The following NHEJ1 variants were observed in gnomAD, a reference collection of about 807,000 sequenced individuals.
The protein encoded by NHEJ1 is non-homologous end joining factor 1, also known as non-homologous end-joining factor 1.
A neutral mutation model predicts 39.4 loss-of-function variants in NHEJ1; 22 were observed. The ratio of observed to expected loss-of-function variants is 0.56; its 90% confidence interval spans 0.40 to 0.80. The LOEUF (loss-of-function observed/expected upper bound fraction) is 0.80, where lower values mean the gene tolerates loss of function less well. NHEJ1 is among the 30% of genes least tolerant of loss of function. NHEJ1 has a pLI of 0.00. For missense variants in NHEJ1, 329 were observed against 357.1 expected (o/e 0.92, Z 0.63); for synonymous variants, 154 against 135.6 (o/e 1.14, Z -0.94).
chr2:219,111,662 C>CACACACACACACAG lies in NHEJ1; in HGVS notation c.589-33457_589-33456insCTGTGTGTGTGTGT, dbSNP rs1553544990. 6.7e-6 allele frequency among the ~76,000 whole-genome samples: 1 copy of CACACACACACACAG among 148,956 alleles called. No individual in the cohort carries two copies. The highest frequency in any genetic ancestry group is 2.5e-5 in the African/African-American group (1 of 40,236). On this transcript the variant is annotated intron_variant, in intron 5 of 7. Coordinates refer to ENST00000356853, the MANE Select transcript of NHEJ1 (RefSeq NM_024782.3). The surrounding 1 kb of genome is among the most constrained non-coding windows in gnomAD (Gnocchi z 4.1). ...ACACACACACACACACACACACACA[C>CACACACACACACAG]AGAGAGATACATACAGTCAGTGGGA...
At chr2:219,159,557 ATATATG>A (rs1365171925) in intron 1 of NHEJ1, among the ~76,000 whole-genome samples, 2 of 14,906 alleles carry the variant, frequency 1.3e-4, no homozygotes, top group African/African-American at 2.5e-4. Context: ...ATATGCATAT[ATATATG>A]CATATATATA....
intron 5 of NHEJ1, among the ~76,000 whole-genome samples, chr2:219,080,644 T>C (rs1410832280): frequency 3.8e-5 from 4 of 105,304 alleles, no homozygotes; most frequent in Admixed American, 8.8e-5. Context: ...TATAAGCTTA[T>C]ATATATGCTA....
At chr2:219,084,165 C>T (rs1026697520) in intron 5 of NHEJ1, among the ~76,000 whole-genome samples, 5 of 152,042 alleles carry the variant, frequency 3.3e-5, no homozygotes, top group African/African-American at 9.7e-5. Context: ...TGCCACCACG[C>T]CTGGCTAATT....
intron 5 of NHEJ1, among the ~76,000 whole-genome samples, chr2:219,107,971 C>T (rs1949329472): frequency 6.6e-6 from 1 of 152,098 alleles, no homozygotes; most frequent in African/African-American, 2.4e-5. Context: ...ACTTGAAACG[C>T]GGCTAGTCTG....
At chr2:219,155,363 G>A (rs917462611) in intron 3 of NHEJ1, among the ~76,000 whole-genome samples, 3 of 151,826 alleles carry the variant, frequency 2.0e-5, no homozygotes, top group Non-Finnish European at 4.4e-5. Flanking sequence ...TGAGGAATTC[G>A]AGACCACCCT....
At chr2:219,082,255 TCAG>T (rs1310541512) in intron 5 of NHEJ1, among the ~76,000 whole-genome samples, 1 of 152,236 alleles carries the variant, frequency 6.6e-6, no homozygotes, top group Non-Finnish European at 1.5e-5. Flanking sequence ...TACAGCCATA[TCAG>T]AAACTTTAGG....
rs1339502938 is a variant in NHEJ1, at chr2:219,069,361, C to T, written c.*7020G>A. 1 of 152,182 alleles carries T rather than the reference C, an allele frequency of 6.6e-6. No individual in the cohort carries two copies. Among genetic ancestry groups the T allele is most frequent in the Non-Finnish European group, 1.5e-5 (1 of 68,068 alleles). The allele number at this position is 152,182 out of a possible 1,614,324, so 9.4% of individuals were successfully genotyped here. A position where few individuals can be genotyped will look rare whatever the true frequency, so the allele number is the denominator to read the frequency against. ...GACAAATGAAAATAGCAGAACTGTG[C>T]CAAACGAAACGATTTAATCTGTTCA... On this transcript the variant is annotated 3_prime_UTR_variant, in exon 8 of 8. Transcript: ENST00000356853.
rs532791853 is a variant in NHEJ1, at chr2:219,143,971, T to C, written c.588+2709A>G. ...ATCTCAGCACTTTGAAAGGCCAAGG[T>C]GGGCGGACCACATGAGGCCAGGCAT... On this transcript the variant is annotated intron_variant, in intron 5 of 7. Coordinates refer to ENST00000356853, the MANE Select transcript of NHEJ1 (RefSeq NM_024782.3). 3.3e-5 allele frequency among the ~76,000 whole-genome samples: 5 copies of C among 152,226 alleles called. No homozygotes were observed. The South Asian group carries it at 1.0e-3, about 32-fold the overall frequency.
At position 219,157,987 on chromosome 2, in the gene NHEJ1, T is replaced by TCA. The variant is rs1949871862; in HGVS notation, c.177+198_177+199insTG. ...CTAACTTTCTTTCTCTCTCTCTCTC[T>TCA]CTCTCACACACACACACACACACAC... On this transcript the variant is annotated intron_variant, in intron 2 of 7. Coordinates refer to ENST00000356853, the MANE Select transcript of NHEJ1 (RefSeq NM_024782.3). 1.9e-4 allele frequency among the ~76,000 whole-genome samples: 13 copies of TCA among 68,780 alleles called. No individual in the cohort carries two copies. The South Asian group carries it at 5.8e-3, about 31-fold the overall frequency. 45.1% of individuals were successfully genotyped at this position (68,780 alleles called of 152,430 possible).
intron 5 of NHEJ1, among the ~76,000 whole-genome samples, chr2:219,129,545 G>A (rs61574393): frequency 0.097 from 14,765 of 152,174 alleles, 839 homozygotes; most frequent in East Asian, 0.14. Context: ...TTATCCTGAC[G>A]GTCCAAGAGC....
Position 219,071,740 on chromosome 2 carries a change from C to T in NHEJ1, c.*4641G>A. Among the ~76,000 whole-genome samples the T allele has an allele frequency of 6.6e-6, 1 of 152,150 alleles. No individual in the cohort carries two copies. Among genetic ancestry groups the T allele is most frequent in the South Asian group, 2.1e-4 (1 of 4,826 alleles). On this transcript the variant is annotated 3_prime_UTR_variant, in exon 8 of 8. Coordinates refer to ENST00000356853, the MANE Select transcript of NHEJ1 (RefSeq NM_024782.3). ...CAGGTGAGTCAATGGCTGTGTGCTC[C>T]CCACACCCTGGAGCTCTTCCAGTGC...
At chr2:219,147,318 A>C (rs1024180836) in intron 4 of NHEJ1, among the ~76,000 whole-genome samples, 2 of 152,138 alleles carry the variant, frequency 1.3e-5, no homozygotes, top group African/African-American at 4.8e-5. Context: ...CGTCTATATT[A>C]AAAATACAAA....
chr2:219,143,794 C>T (rs1949711521), intron 5 of NHEJ1, among the ~76,000 whole-genome samples: 1 of 152,168 alleles, frequency 6.6e-6, no homozygotes, highest in Non-Finnish European at 1.5e-5. Context: ...AGGGCTCCTC[C>T]CAACCCCATA....
chr2:219,137,617 A>G (rs1440547952), intron 5 of NHEJ1, among the ~76,000 whole-genome samples: 3 of 141,242 alleles, frequency 2.1e-5, no homozygotes, highest in African/African-American at 7.5e-5. Context: ...AACCACCTTC[A>G]GAATAAAACA....
rs1491335869 is a variant in NHEJ1, at chr2:219,080,614, C to CTTATATATATGCTAATATATATA, written c.589-2431_589-2409dup. On this transcript the variant is annotated intron_variant, in intron 5 of 7. Transcript: ENST00000356853. ...ATATATATATGCTAATATATATAAGCTTATATATATGCTAATATATATAAG... is the reference window on the plus strand; with the variant it reads ...ATATATATATGCTAATATATATAAGCTTATATATATGCTAATATATATATTATATATATGCTAATATATATAAG... Among the ~76,000 whole-genome samples, 159 of 89,038 alleles carry CTTATATATATGCTAATATATATA rather than the reference C, an allele frequency of 1.8e-3. 3 individuals are homozygous for CTTATATATATGCTAATATATATA. Among genetic ancestry groups the CTTATATATATGCTAATATATATA allele is most frequent in the Non-Finnish European group, 3.1e-3 (121 of 39,418 alleles). The allele number at this position is 89,038 out of a possible 152,430, so 58.4% of individuals were successfully genotyped here. A position where few individuals can be genotyped will look rare whatever the true frequency, so the allele number is the denominator to read the frequency against.
intron 5 of NHEJ1, among the ~76,000 whole-genome samples, chr2:219,102,994 G>T: frequency 1.1e-5 from 1 of 93,240 alleles, no homozygotes; most frequent in African/African-American, 4.6e-5. Flanking sequence ...GACAGAGCGA[G>T]ACTCCGTCTC....
intron 5 of NHEJ1, among the ~76,000 whole-genome samples, chr2:219,106,464 A>G (rs984933277): frequency 1.3e-5 from 2 of 152,198 alleles, no homozygotes; most frequent in Non-Finnish European, 2.9e-5. Flanking sequence ...CAGTGGGCTC[A>G]AAGTAGGAGA....
chr2:219,157,784 G>A, intron 2 of NHEJ1, 100 bp from the exon 3 acceptor site: 1 of 904,726 alleles, frequency 1.1e-6, no homozygotes, highest in South Asian at 1.4e-5. Flanking sequence ...GAAGGCAATG[G>A]ACATGAGAGG....
intron 2 of NHEJ1, 30 bp downstream of exon 2, chr2:219,158,156 C>T (rs372890363): frequency 1.8e-4 from 298 of 1,613,030 alleles, no homozygotes; most frequent in Middle Eastern, 1.3e-3. Context: ...TTCACATCCC[C>T]GACACAGCAG....
Sources: gnomAD v4.1 joint callset for allele counts (sites outside exome capture counted in the v4.1 genomes callset) on GRCh38, gnomAD v4.1.1 for gene constraint, Gnocchi (gnomAD v3.1) non-coding constraint, MANE v1.5 for transcripts, NCBI Gene and HGNC (gene_info 2026-07-23, HGNC 2026-07-21) for gene names.